ASIC2: variants seen among roughly 807,000 people sequenced by gnomAD.
The protein encoded by ASIC2 is acid-sensing ion channel 2.
A neutral mutation model predicts 57.3 loss-of-function variants in ASIC2; 25 were observed. That is an observed-to-expected ratio of 0.44 (90% confidence interval 0.32 to 0.61). The LOEUF is 0.61. ASIC2 is among the 20% of genes least tolerant of loss of function. ASIC2 has a pLI of 0.06. For synonymous variants in ASIC2, 319 were observed against 307.5 expected (o/e 1.04, Z -0.39); for missense variants, 641 against 738.1 (o/e 0.87, Z 1.52).
intron 1 of ASIC2, among the ~76,000 whole-genome samples, chr17:33,579,123 A>G (rs991289569): frequency 1.3e-5 from 2 of 151,944 alleles, no homozygotes; most frequent in Non-Finnish European, 2.9e-5. Flanking sequence ...CGTCTCTACT[A>G]AAAATATAAA....
chr17:33,016,138 G>T, intron 8 of ASIC2, 99 bp from the exon 9 acceptor site: 1 of 1,159,394 alleles, frequency 8.6e-7, no homozygotes, highest in East Asian at 2.4e-5. Flanking sequence ...GCAGCTGCTT[G>T]GGCTGTGGCT....
At chr17:33,551,254 G>C (rs1027388506) in intron 1 of ASIC2, among the ~76,000 whole-genome samples, 1 of 152,148 alleles carries the variant, frequency 6.6e-6, no homozygotes, top group African/African-American at 2.4e-5. Flanking sequence ...TTGAGCAGGA[G>C]AGTGTTGTGC....
intron 1 of ASIC2, among the ~76,000 whole-genome samples, chr17:33,390,666 T>C (rs1271851201): frequency 6.6e-6 from 1 of 152,148 alleles, no homozygotes; most frequent in Non-Finnish European, 1.5e-5. Flanking sequence ...CTCACTCGGC[T>C]GGGAGCCAAC....
At chr17:33,677,970 A>C (rs1907879158) in intron 1 of ASIC2, among the ~76,000 whole-genome samples, 1 of 152,204 alleles carries the variant, frequency 6.6e-6, no homozygotes, top group Admixed American at 6.5e-5. Context: ...ACCGAACAGA[A>C]TTGCATGCTA....
chr17:33,689,612 C>T (rs926565651), intron 1 of ASIC2, among the ~76,000 whole-genome samples: 2 of 152,184 alleles, frequency 1.3e-5, no homozygotes, highest in African/African-American at 4.8e-5. Context: ...TGAGATGATT[C>T]CCCCTCACCC....
chr17:33,016,832 G>A (rs188523679), intron 8 of ASIC2, among the ~76,000 whole-genome samples: 97 of 152,242 alleles, frequency 6.4e-4, no homozygotes, highest in Admixed American at 1.1e-3. Context: ...GCCATTTTCA[G>A]GGGCACACAT....
intron 1 of ASIC2, among the ~76,000 whole-genome samples, chr17:33,772,199 A>T (rs143191140): frequency 2.0e-5 from 3 of 152,346 alleles, no homozygotes; most frequent in East Asian, 1.9e-4. Flanking sequence ...GCCTTGTTTG[A>T]CTATGGGTCA....
chr17:34,155,929 C>T (rs769268791), intron 1 of ASIC2: 65 of 1,545,926 alleles, frequency 4.2e-5, no homozygotes, highest in Non-Finnish European at 5.3e-5. Context: ...CACCGGCGCA[C>T]CACTTCTCCA....
chr17:33,745,705 A>G (rs553420817), intron 1 of ASIC2, among the ~76,000 whole-genome samples: 6 of 152,170 alleles, frequency 3.9e-5, no homozygotes, highest in Admixed American at 3.9e-4. Context: ...CAGAAAAACT[A>G]TCTTTCAAAA....
At chr17:33,456,464 C>T (rs771900101) in intron 1 of ASIC2, among the ~76,000 whole-genome samples, 18 of 152,148 alleles carry the variant, frequency 1.2e-4, no homozygotes, top group Non-Finnish European at 1.9e-4. Flanking sequence ...TGACAACCCT[C>T]GGAGCTCATC....
intron 1 of ASIC2, among the ~76,000 whole-genome samples, chr17:33,770,957 TG>T (rs1911086634): frequency 6.6e-6 from 1 of 152,138 alleles, no homozygotes; most frequent in South Asian, 2.1e-4. Context: ...CTGTGGTCAA[TG>T]GGCTATCAGC....
At chr17:34,031,285 A>G (rs907464970) in intron 1 of ASIC2, among the ~76,000 whole-genome samples, 4 of 152,224 alleles carry the variant, frequency 2.6e-5, no homozygotes, top group Non-Finnish European at 5.9e-5. Flanking sequence ...ACTCCAACAG[A>G]CCTGCAGCTG....
At chr17:33,398,403 C>T (rs564823495) in intron 1 of ASIC2, among the ~76,000 whole-genome samples, 277 of 152,232 alleles carry the variant, frequency 1.8e-3, no homozygotes, top group Non-Finnish European at 2.7e-3. Context: ...AATTTCAAGC[C>T]CATGACTTTT....
intron 1 of ASIC2, among the ~76,000 whole-genome samples, chr17:34,011,143 A>G (rs550432069): frequency 0.011 from 1,496 of 138,004 alleles, 28 homozygotes; most frequent in African/African-American, 0.038. Flanking sequence ...ACACACACAC[A>G]CACATAGACA....
chr17:34,077,808 C>A (rs987445684), intron 1 of ASIC2, among the ~76,000 whole-genome samples: 2 of 152,112 alleles, frequency 1.3e-5, no homozygotes, highest in African/African-American at 4.8e-5. Flanking sequence ...TGCGTCCCAG[C>A]CTCTCTGAAG....
chr17:33,074,469 A>G (rs1188943862), intron 3 of ASIC2, among the ~76,000 whole-genome samples: 1 of 151,920 alleles, frequency 6.6e-6, no homozygotes, highest in Admixed American at 6.5e-5. Context: ...CGATTTGCTG[A>G]GCTGACCTTC....
At chr17:33,982,560 C>T (rs1481805504) in intron 1 of ASIC2, among the ~76,000 whole-genome samples, 1 of 152,200 alleles carries the variant, frequency 6.6e-6, no homozygotes, top group Non-Finnish European at 1.5e-5. Context: ...ATATTGTCTT[C>T]TCTAGCTCCT....
chr17:33,944,580 C>G (rs542294941), intron 1 of ASIC2, among the ~76,000 whole-genome samples: 1 of 152,124 alleles, frequency 6.6e-6, no homozygotes, highest in East Asian at 1.9e-4. Context: ...GTCAGGGGAG[C>G]GCCAAGAAAA....
intron 1 of ASIC2, among the ~76,000 whole-genome samples, chr17:33,897,690 T>C (rs1462575593): frequency 1.3e-5 from 2 of 152,220 alleles, no homozygotes; most frequent in African/African-American, 4.8e-5. Context: ...TTCCCAACAA[T>C]ATTACCTTTG....
Sources: allele counts gnomAD v4.1 joint callset (sites outside exome capture counted in the v4.1 genomes callset), GRCh38; gene constraint gnomAD v4.1.1; transcripts MANE v1.5; gene names NCBI Gene and HGNC (gene_info 2026-07-23, HGNC 2026-07-21).